The following ANP32A variants were observed in gnomAD, a reference collection of about 807,000 sequenced individuals.
ANP32A encodes acidic nuclear phosphoprotein 32 family member A, also known as acidic leucine-rich nuclear phosphoprotein 32 family member A.
In ANP32A, 1 loss-of-function variant was observed where a neutral mutation model predicts 33.9. The observed-to-expected ratio is 0.03, with a 90% CI of 0.01 to 0.14. ANP32A has a LOEUF of 0.14. Ranked by LOEUF, ANP32A falls within the 10% of genes least tolerant of loss-of-function variation. The pLI is 1.00. For missense variants in ANP32A, 155 were observed against 306.0 expected (o/e 0.51, Z 3.68); for synonymous variants, 115 against 120.5 (o/e 0.95, Z 0.30).
chr15:68,806,266 A>G (rs531726570), intron 1 of ANP32A, among the ~76,000 whole-genome samples: 5 of 152,212 alleles, frequency 3.3e-5, no homozygotes, highest in African/African-American at 1.2e-4. Flanking sequence ...TCAGACCAAG[A>G]TGCACATCTT....
intron 5 of ANP32A, among the ~76,000 whole-genome samples, chr15:68,782,269 T>TGTCA (rs1893879422): frequency 6.6e-6 from 1 of 152,186 alleles, no homozygotes; most frequent in Admixed American, 6.5e-5. Flanking sequence ...ACTTACCCCT[T>TGTCA]GTCAGACACT....
Position 68,811,063 on chromosome 15 carries a change from G to GGA in ANP32A, c.54+9634_54+9635insTC, listed in dbSNP as rs1555424222. Among the ~76,000 whole-genome samples the GGA allele has an allele frequency of 5.1e-5, 6 of 118,006 alleles. No homozygotes were observed. The South Asian group carries it at 1.2e-3, about 23-fold the overall frequency. The allele number at this position is 118,006 out of a possible 152,430, so 77.4% of individuals were successfully genotyped here. On this transcript the variant is annotated intron_variant, in intron 1 of 6. Transcript: ENST00000465139. ...GGCCACAGAGTGAGACTCTGTCTGG[G>GGA]AAAAAAAAAAAAAAAAAAGAATGCT...
chr15:68,809,698 C>T (rs1331480088), intron 1 of ANP32A, among the ~76,000 whole-genome samples: 1 of 152,074 alleles, frequency 6.6e-6, no homozygotes, highest in Non-Finnish European at 1.5e-5. Context: ...CGTGGGGGTG[C>T]GGGTGTGAAG....
rs1008710628 is a variant in ANP32A, at chr15:68,780,953, A to G, written c.625-480T>C. ...AATCCAGATTCTGTGGGCAAGTTCA[A>G]CGTCACCTGACCCAGCCCCTTCCCT... On this transcript the variant is annotated intron_variant, in intron 5 of 6. Coordinates refer to ENST00000465139, the MANE Select transcript of ANP32A (RefSeq NM_006305.4). This position sits in a 1 kb window ranked among gnomAD's most constrained non-coding sequence, Gnocchi z 4.3. 1 of 157,570 alleles carries G rather than the reference A, an allele frequency of 6.3e-6. No individual in the cohort carries two copies. The highest frequency in any genetic ancestry group is 2.4e-5 in the African/African-American group (1 of 41,478). 9.8% of individuals were successfully genotyped at this position (157,570 alleles called of 1,614,324 possible). A position where few individuals can be genotyped will look rare whatever the true frequency, so the allele number is the denominator to read the frequency against.
At chr15:68,788,353 A>C (rs1017268746) in intron 1 of ANP32A, among the ~76,000 whole-genome samples, 5 of 149,976 alleles carry the variant, frequency 3.3e-5, no homozygotes, top group African/African-American at 7.4e-5. Context: ...CCCCCACAAG[A>C]CCCCCACATG....
intron 1 of ANP32A, chr15:68,790,579 T>G (rs1486313011): frequency 6.6e-6 from 1 of 152,154 alleles, no homozygotes; most frequent in Non-Finnish European, 1.5e-5. Context: ...TCTCAAGCAC[T>G]CGCTAGGCAC....
intron 5 of ANP32A, among the ~76,000 whole-genome samples, chr15:68,781,776 A>G (rs1415531131): frequency 1.3e-5 from 2 of 152,130 alleles, no homozygotes; most frequent in East Asian, 1.9e-4. Context: ...GCTAATTTTT[A>G]TATTTTTAGT....
chr15:68,789,030 G>C (rs1355119805), intron 1 of ANP32A, among the ~76,000 whole-genome samples: 1 of 152,228 alleles, frequency 6.6e-6, no homozygotes, highest in Non-Finnish European at 1.5e-5. Context: ...ATGACCCTGG[G>C]AGTAAGCAAA....
chr15:68,820,816 C>T lies in ANP32A; in HGVS notation c.-65G>A. The T allele has an allele frequency of 6.2e-7, 1 of 1,600,182 alleles. No individual in the cohort carries two copies. The highest frequency in any genetic ancestry group is 8.6e-7 in the Non-Finnish European group (1 of 1,168,548). ...GAATTCAATCAATAAACCCCGAACC[C>T]ACGGCCGCGCGTTTTAGGACTTTGA... On this transcript the variant is annotated 5_prime_UTR_variant, in exon 1 of 7. Transcript: ENST00000465139.
chr15:68,816,612 A>AG (rs1268947614), intron 1 of ANP32A, among the ~76,000 whole-genome samples: 1 of 152,162 alleles, frequency 6.6e-6, no homozygotes, highest in Admixed American at 6.5e-5. Context: ...GCATATACTG[A>AG]GGGCCATATC....
chr15:68,806,615 G>C (rs1342380709), intron 1 of ANP32A, among the ~76,000 whole-genome samples: 1 of 152,204 alleles, frequency 6.6e-6, no homozygotes, highest in East Asian at 1.9e-4. Context: ...CCATAAACTA[G>C]ACAAGGGCTA....
chr15:68,806,003 C>G (rs759153156), intron 1 of ANP32A, among the ~76,000 whole-genome samples: 1 of 152,150 alleles, frequency 6.6e-6, no homozygotes, highest in East Asian at 1.9e-4. Flanking sequence ...ATTAGCCAAG[C>G]CAAGGGTCAA....
chr15:68,788,236 A>C (rs1254650013), intron 1 of ANP32A, among the ~76,000 whole-genome samples: 1 of 152,158 alleles, frequency 6.6e-6, no homozygotes, highest in Non-Finnish European at 1.5e-5. Context: ...CTGCCTCTGC[A>C]AGGTTGGTGG....
chr15:68,783,070 G>A lies in ANP32A; in HGVS notation c.527-17C>T. 6.4e-7 allele frequency: 1 copy of A among 1,551,634 alleles called. No homozygotes were observed. Reference sequence around the variant, plus strand: ...ACTCCTCCTCTGTGCAATCGAAATGGGGAACGGAAACAGAACTAGTGGTGA... The same window carrying A: ...ACTCCTCCTCTGTGCAATCGAAATGAGGAACGGAAACAGAACTAGTGGTGA... On this transcript the variant is annotated splice_polypyrimidine_tract_variant and intron_variant, in intron 4 of 6. Transcript: ENST00000465139.
chr15:68,793,066 G>C (rs1242994765), intron 1 of ANP32A, among the ~76,000 whole-genome samples: 1 of 152,082 alleles, frequency 6.6e-6, no homozygotes, highest in Non-Finnish European at 1.5e-5. Context: ...ACCCAGCTCT[G>C]TGCATCCTGG....
intron 1 of ANP32A, among the ~76,000 whole-genome samples, chr15:68,808,724 G>A (rs1894272325): frequency 6.6e-6 from 1 of 152,160 alleles, no homozygotes; most frequent in South Asian, 2.1e-4. Flanking sequence ...CCTCTAAATT[G>A]AGAATGACAG....
rs142397547 is a variant in ANP32A at position 68,785,984 on chromosome 15, A to G, written c.328-1389T>C. On this transcript the variant is annotated intron_variant, in intron 3 of 6. Transcript: ENST00000465139. The stretch of plus-strand genomic sequence containing the variant: ...AGTTCTGTGGGAAGCACATTCTACT[A>G]GTTGGCCCCAATGCCATCGATGGAC... Among the ~76,000 whole-genome samples the G allele has an allele frequency of 3.3e-3, 501 of 152,318 alleles. 4 individuals are homozygous for G. Among genetic ancestry groups the G allele is most frequent in the African/African-American group, 0.012 (480 of 41,582 alleles).
chr15:68,784,324 T>G, intron 4 of ANP32A, 73 bp downstream of exon 4: 5 of 931,660 alleles, frequency 5.4e-6, no homozygotes, highest in Non-Finnish European at 7.8e-6. Flanking sequence ...CCCACCCACC[T>G]CTGCAAAGCC....
At position 68,787,548 on chromosome 15, in the gene ANP32A, G is replaced by A. The variant is rs775267919; in HGVS notation, c.205-13C>T. The A allele has an allele frequency of 1.2e-6, 2 of 1,613,910 alleles. No individual in the cohort carries two copies. Among genetic ancestry groups the A allele is most frequent in the Non-Finnish European group, 1.7e-6 (2 of 1,179,988 alleles). ...CGCTTAGTTCAAGCTAAATAAGGCA[G>A]GGAAAGAAAAAGCAGAAACAGCTTT... On this transcript the variant is annotated splice_polypyrimidine_tract_variant and intron_variant, in intron 2 of 6. Transcript: ENST00000465139.
Sources: gnomAD v4.1 joint callset for allele counts (sites outside exome capture counted in the v4.1 genomes callset) on GRCh38, gnomAD v4.1.1 for gene constraint, Gnocchi (gnomAD v3.1) non-coding constraint, MANE v1.5 for transcripts, NCBI Gene and HGNC (gene_info 2026-07-23, HGNC 2026-07-21) for gene names.